Variants in TRAIP observed in about 807,000 individuals in gnomAD.
The protein encoded by TRAIP is TRAF interacting protein.
TRAIP carries 37 observed loss-of-function variants against 65.0 expected under a neutral mutation model. That is an observed-to-expected ratio of 0.57 (90% CI 0.44 to 0.75). The LOEUF (loss-of-function observed/expected upper bound fraction) is 0.75. TRAIP is among the 30% of genes least tolerant of loss of function. The pLI is 0.00. For synonymous variants in TRAIP, 187 were observed against 219.1 expected, an observed-to-expected ratio of 0.85 and a Z score of 1.29; for missense variants, 481 against 579.4, an observed-to-expected ratio of 0.83 and a Z score of 1.74.
At chr3:49,829,529 G>A (rs1170673161) in intron 13 of TRAIP, 21 bp from the exon 14 acceptor site, 5 of 1,614,036 alleles carry the variant, frequency 3.1e-6, no homozygotes, top group African/African-American at 2.7e-5. Context: ...AGGAAGAGAT[G>A]AGTGGGCCAG....
rs34442016 is a variant in TRAIP, at chr3:49,829,519, AG to A, written c.1237-12del. 6.2e-7 allele frequency: 1 copy of A among 1,614,096 alleles called. No individual in the cohort carries two copies. Among genetic ancestry groups the A allele is most frequent in the East Asian group, 2.2e-5 (1 of 44,872 alleles). Reference sequence around the variant, plus strand: ...GAAGCCTGTCCTTACCTAGGGTGGAAGGAAGAGATGAGTGGGCCAGGCTAAT... The same window carrying A: ...GAAGCCTGTCCTTACCTAGGGTGGAAGAAGAGATGAGTGGGCCAGGCTAAT... On this transcript the variant is annotated splice_polypyrimidine_tract_variant and intron_variant, in intron 13 of 14. Transcript: ENST00000331456.
intron 10 of TRAIP, among the ~76,000 whole-genome samples, chr3:49,838,979 A>G (rs2081812476): frequency 6.6e-6 from 1 of 151,860 alleles, no homozygotes; most frequent in South Asian, 2.1e-4. Context: ...TCACGAGGTC[A>G]GGAGATCGAG....
chr3:49,828,989 T>G lies in TRAIP; in HGVS notation c.*114A>C, dbSNP rs2081707172. On this transcript the variant is annotated 3_prime_UTR_variant, in exon 15 of 15. Coordinates refer to ENST00000331456, the MANE Select transcript of TRAIP (RefSeq NM_005879.3). ...CTCACCCTCACCTGTTTGTCTGCCCTTACACCTCAGGCTGGTCCCGAAAGT... is the reference window on the plus strand; with the variant it reads ...CTCACCCTCACCTGTTTGTCTGCCCGTACACCTCAGGCTGGTCCCGAAAGT... The G allele has an allele frequency of 7.5e-6, 11 of 1,470,396 alleles. No homozygotes were observed. The highest frequency in any genetic ancestry group is 1.0e-5 in the Non-Finnish European group (11 of 1,064,526). The allele number at this position is 1,470,396 out of a possible 1,614,324, so 91.1% of individuals were successfully genotyped here.
In TRAIP at chr3:49,829,171, G is replaced by A; in HGVS notation, c.1342C>T (p.Gln448Ter). The A allele has an allele frequency of 6.2e-7, 1 of 1,614,212 alleles. No individual in the cohort carries two copies. Among genetic ancestry groups the A allele is most frequent in the South Asian group, 1.1e-5 (1 of 91,088 alleles). The change falls in exon 15 of 15, where the codon CAG becomes TAG. Residue 448 changes from glutamine to a stop codon, truncating the protein, a stop_gained. Transcript: ENST00000331456. LOFTEE classifies it low-confidence loss of function (END_TRUNC). ...GGCACTGTCTTCACCCTCACCCTCTGCTTAACCTTGGTCTTGGGCTTAACA... is the reference window on the plus strand; with the variant it reads ...GGCACTGTCTTCACCCTCACCCTCTACTTAACCTTGGTCTTGGGCTTAACA... Reference protein sequence around the residue: ...LPVKPKTKVKQRVRVKTVPSL... With the variant: ...LPVKPKTKVK
In TRAIP at chr3:49,839,789, G is replaced by T. The variant is rs1426373220; in HGVS notation, c.867C>A (p.Asp289Glu). Residue 289 changes from aspartate to glutamate, a missense_variant, in exon 10 of 15, where the codon GAC becomes GAA. Physicochemically the swap from Asp to Glu is conservative, Grantham distance 45. Coordinates refer to ENST00000331456, the MANE Select transcript of TRAIP (RefSeq NM_005879.3). ...CAACAAACCTCTCTAAAACCAGGCG[G>T]TCGACAGTCTCACTGGCCACTGGTG... ...NLPPVASETV[D>E]RLVLESPAPV... 1 of 1,614,208 alleles carries T rather than the reference G, an allele frequency of 6.2e-7. No individual in the cohort carries two copies. The highest frequency in any genetic ancestry group is 1.7e-5 in the Admixed American group (1 of 60,020).
In TRAIP at chr3:49,829,916, C is replaced by T; in HGVS notation, c.1086+104G>A. 3 of 1,582,424 alleles carry T rather than the reference C, an allele frequency of 1.9e-6. No individual in the cohort carries two copies. In the South Asian group the frequency reaches 3.3e-5, roughly 18 times the overall value. On this transcript the variant is annotated intron_variant, in intron 12 of 14. Transcript: ENST00000331456. ...GAATCCCAAGGGTGGCTCCGAAGTA[C>T]CTCAGTCCTGGACCAGGAGTGACAA...
chr3:49,848,349 C>A, intron 1 of TRAIP, 149 bp from the exon 2 acceptor site: 1 of 822,286 alleles, frequency 1.2e-6, no homozygotes, highest in East Asian at 2.7e-5. Context: ...TAGGCAGTTA[C>A]AGCACCTCCC....
chr3:49,846,924 C>T (rs1306339767), intron 3 of TRAIP, among the ~76,000 whole-genome samples: 3 of 151,992 alleles, frequency 2.0e-5, no homozygotes, highest in Admixed American at 2.0e-4. Context: ...CCCACGCCTG[C>T]AATCTCAGCA....
chr3:49,847,917 T>C (rs953630747), intron 2 of TRAIP, among the ~76,000 whole-genome samples: 1 of 152,124 alleles, frequency 6.6e-6, no homozygotes, highest in Non-Finnish European at 1.5e-5. Flanking sequence ...GCCAGCCAAA[T>C]CTACCCAAGT....
intron 11 of TRAIP, among the ~76,000 whole-genome samples, chr3:49,830,843 G>A (rs1282947929): frequency 2.0e-5 from 3 of 152,182 alleles, no homozygotes; most frequent in African/African-American, 7.2e-5. Context: ...CTGCCCTAAC[G>A]GCCTGTGGTA....
At chr3:49,849,997 C>A (rs890346001) in intron 1 of TRAIP, among the ~76,000 whole-genome samples, 1 of 151,732 alleles carries the variant, frequency 6.6e-6, no homozygotes, top group Non-Finnish European at 1.5e-5. Context: ...CAGGCGTGCA[C>A]CACCATGCCC....
At chr3:49,840,538 C>T (rs1331855180) in intron 8 of TRAIP, 165 bp from the exon 9 acceptor site, 17 of 609,660 alleles carry the variant, frequency 2.8e-5, no homozygotes, top group Admixed American at 5.7e-5. Context: ...AATGCACATC[C>T]GGAGCTGCCT....
chr3:49,830,769 C>T (rs185717753), intron 11 of TRAIP, among the ~76,000 whole-genome samples: 6 of 152,340 alleles, frequency 3.9e-5, no homozygotes, highest in African/African-American at 1.4e-4. Context: ...AAGGCTGGCC[C>T]TGTGGCTTCT....
chr3:49,852,419 T>C (rs944168766), intron 1 of TRAIP, among the ~76,000 whole-genome samples: 14 of 149,924 alleles, frequency 9.3e-5, no homozygotes, highest in African/African-American at 3.4e-4. Flanking sequence ...AGGCAATATA[T>C]GAAGAGATAA....
rs766090124 is a variant in TRAIP, at chr3:49,844,541, C to T, written c.280G>A (p.Asp94Asn). Residue 94 changes from aspartate to asparagine, a missense_variant and splice_region_variant, in exon 4 of 15, where the codon GAC becomes AAC. Transcript: ENST00000331456. ...DNVRAQLSQK[D>N]KEKRDSQVII... ...CACCCCTCGTCTCTTGCTAACTCAC[C>T]TTTCTGGGAAAGCTGGGCTCTGACA... is the stretch of plus-strand genomic sequence containing the variant. The T allele has an allele frequency of 3.1e-6, 5 of 1,613,898 alleles. No individual in the cohort carries two copies. The highest frequency in any genetic ancestry group is 4.2e-6 in the Non-Finnish European group (5 of 1,179,958).
intron 6 of TRAIP, among the ~76,000 whole-genome samples, 178 bp downstream of exon 6, chr3:49,842,275 A>T (rs186503653): frequency 1.6e-4 from 24 of 152,168 alleles, no homozygotes; most frequent in African/African-American, 5.1e-4. Context: ...GGAATGGGGG[A>T]AGAGTTCATA....
Position 49,840,907 on chromosome 3 carries a change from G to A in TRAIP, c.705+78C>T. ...GTCAGCTGTGCCATCAGGTCCCATGGCCTTGCTCAGGAGACCAGAGTGAAC... is the reference window on the plus strand; with the variant it reads ...GTCAGCTGTGCCATCAGGTCCCATGACCTTGCTCAGGAGACCAGAGTGAAC... On this transcript the variant is annotated intron_variant, in intron 8 of 14. Coordinates refer to ENST00000331456, the MANE Select transcript of TRAIP (RefSeq NM_005879.3). 2.9e-6 allele frequency: 4 copies of A among 1,375,216 alleles called. No homozygotes were observed. In the South Asian group the frequency reaches 4.7e-5, roughly 16 times the overall value. 85.2% of individuals were successfully genotyped at this position (1,375,216 alleles called of 1,614,324 possible).
chr3:49,829,709 C>T lies in TRAIP; in HGVS notation c.1144G>A (p.Val382Ile), dbSNP rs1437025074. The T allele has an allele frequency of 4.3e-6, 7 of 1,614,052 alleles. No individual in the cohort carries two copies. Among genetic ancestry groups the T allele is most frequent in the Admixed American group, 3.3e-5 (2 of 59,992 alleles). The change falls in exon 13 of 15, where the codon GTT becomes ATT. Residue 382 changes from valine (V) to isoleucine (I), a missense_variant. Val to Ile is a conservative substitution (Grantham distance 29). Coordinates refer to ENST00000331456, the MANE Select transcript of TRAIP (RefSeq NM_005879.3). Reference sequence around the variant, plus strand: ...CGGACAAAAATAGGGAAGGCACCAACCAGTTCCTCATCTGGCTCTCCTGCA... The same window carrying T: ...CGGACAAAAATAGGGAAGGCACCAATCAGTTCCTCATCTGGCTCTCCTGCA... ...SCAGEPDEEL[V>I]GAFPIFVRNA...
chr3:49,853,188 C>A (rs1286417657), intron 1 of TRAIP, among the ~76,000 whole-genome samples: 1 of 151,036 alleles, frequency 6.6e-6, no homozygotes, highest in African/African-American at 2.4e-5. Flanking sequence ...ACCAAAACTG[C>A]AGAAAGCCAA....
Sources: gnomAD v4.1 joint callset for allele counts (sites outside exome capture counted in the v4.1 genomes callset) on GRCh38, gnomAD v4.1.1 for gene constraint, MANE v1.5 for transcripts, NCBI Gene and HGNC (gene_info 2026-07-23, HGNC 2026-07-21) for gene names.